TENM1: variants seen among roughly 807,000 people sequenced by gnomAD.
The protein encoded by TENM1 is teneurin transmembrane protein 1, also known as teneurin-1.
In TENM1, 35 loss-of-function variants were observed where a neutral mutation model predicts 174.8. That is an observed-to-expected ratio of 0.20 (90% CI 0.15 to 0.27). TENM1 has a LOEUF of 0.27. Among genes scored for constraint, TENM1 ranks in the 10% least tolerant of loss-of-function variants. The probability of loss-of-function intolerance (pLI) is 1.00; values close to 1 mark genes in which losing one functional copy is unlikely to be tolerated. For synonymous variants in TENM1, 781 were observed against 798.7 expected, an observed-to-expected ratio of 0.98 and a Z score of 0.37; for missense variants, 1,633 against 2,130.1, an observed-to-expected ratio of 0.77 and a Z score of 4.59.
the TENM1 span, among the ~76,000 whole-genome samples, chrX:125,055,838 A>C: frequency 8.9e-6 from 1 of 111,809 alleles, no homozygotes; most frequent in African/African-American, 3.3e-5. Context: ...TGTTGAAGGA[A>C]ATATGCAGGT....
chrX:124,642,004 A>C lies in TENM1; in HGVS notation c.1877-13T>G, dbSNP rs1303086963. ...TCTAGGCAGTCCTCTGAAGGCACAAAAAAGTGGGGGGGAGGGGTGATTAAT... is the reference window on the plus strand; with the variant it reads ...TCTAGGCAGTCCTCTGAAGGCACAACAAAGTGGGGGGGAGGGGTGATTAAT... On this transcript the variant is annotated splice_polypyrimidine_tract_variant and intron_variant, in intron 10 of 31. Coordinates refer to ENST00000422452, the Ensembl canonical transcript of TENM1. 8.4e-7 allele frequency: 1 copy of C among 1,186,804 alleles called. No individual in the cohort carries two copies. Among genetic ancestry groups the C allele is most frequent in the Non-Finnish European group, 1.1e-6 (1 of 872,854 alleles).
At chrX:124,839,508 G>A (rs1041105454) in intron 3 of TENM1, among the ~76,000 whole-genome samples, 5 of 111,608 alleles carry the variant, frequency 4.5e-5, no homozygotes, top group African/African-American at 1.6e-4. Flanking sequence ...GTTTCATACA[G>A]AAAAAGTGTA....
intron 11 of TENM1, among the ~76,000 whole-genome samples, chrX:124,579,388 T>C (rs1467510470): frequency 0.034 from 1 of 29 alleles, no homozygotes; most frequent in East Asian, 0.25. Flanking sequence ...CTTCTTTTCA[T>C]GCTTTGGGGC....
At chrX:124,927,472 A>C (rs1318181372) in intron 1 of TENM1, among the ~76,000 whole-genome samples, 1 of 111,762 alleles carries the variant, frequency 8.9e-6, no homozygotes, top group Non-Finnish European at 1.9e-5. Flanking sequence ...AAAATAAACA[A>C]ACCAAGGACC....
At position 124,752,849 on chromosome X, in the gene TENM1, T is replaced by A. The variant is rs757163237; in HGVS notation, c.536-15652A>T. Among the ~76,000 whole-genome samples the A allele has an allele frequency of 8.0e-3, 886 of 110,493 alleles. 8 individuals carry two copies. Among genetic ancestry groups the A allele is most frequent in the African/African-American group, 0.027 (835 of 30,397 alleles). On this transcript the variant is annotated intron_variant, in intron 3 of 31. Transcript: ENST00000422452. ...AGGGCTCTGTTCTGTTCCATTGGTC[T>A]ATATCTCTGTTTTGGTACCAGTACC... is the stretch of plus-strand genomic sequence containing the variant.
intron 11 of TENM1, among the ~76,000 whole-genome samples, chrX:124,626,916 G>A (rs1193299845): frequency 1.8e-5 from 2 of 112,264 alleles, no homozygotes; most frequent in African/African-American, 6.5e-5. Context: ...CTAGCCTGGT[G>A]GCAAACATTA....
At chrX:124,534,181 G>A (rs2048162989) in intron 15 of TENM1, among the ~76,000 whole-genome samples, 2 of 112,081 alleles carry the variant, frequency 1.8e-5, no homozygotes, top group Admixed American at 1.9e-4. Flanking sequence ...CTAGGTGTTT[G>A]GAGCTTGGTC....
chrX:125,084,188 T>C, the TENM1 span, among the ~76,000 whole-genome samples: 1 of 110,045 alleles, frequency 9.1e-6, no homozygotes, highest in Non-Finnish European at 1.9e-5. Flanking sequence ...TGCACAGGAT[T>C]CCTTCATATT....
the TENM1 span, among the ~76,000 whole-genome samples, chrX:125,177,899 G>A: frequency 1.8e-5 from 2 of 111,947 alleles, no homozygotes; most frequent in East Asian, 5.6e-4. Flanking sequence ...TTTTAGTTTT[G>A]TAGTTGTTTT....
chrX:125,084,150 C>T, the TENM1 span, among the ~76,000 whole-genome samples: 4 of 110,611 alleles, frequency 3.6e-5, no homozygotes, highest in Non-Finnish European at 7.6e-5. Context: ...TTTCCCCATA[C>T]TTATATCCTC....
intron 11 of TENM1, among the ~76,000 whole-genome samples, chrX:124,580,035 A>G (rs1028379770): frequency 3.6e-5 from 4 of 111,439 alleles, no homozygotes; most frequent in African/African-American, 9.8e-5. Flanking sequence ...CTAAGATTCT[A>G]TTATTGGAGC....
At chrX:124,851,559 C>T (rs1192521245) in intron 3 of TENM1, among the ~76,000 whole-genome samples, 1 of 110,826 alleles carries the variant, frequency 9.0e-6, no homozygotes, top group Non-Finnish European at 1.9e-5. Context: ...CACTATTCTA[C>T]TTGAGCTATC....
At position 124,585,312 on chromosome X, in the gene TENM1, A is replaced by G. The variant is rs2049469164; in HGVS notation, c.2078-19752T>C. Among the ~76,000 whole-genome samples, 3 of 111,673 alleles carry G rather than the reference A, an allele frequency of 2.7e-5. No homozygotes were observed. In the South Asian group the frequency reaches 1.1e-3, roughly 42 times the overall value. ...TAAAGCTCTCCTCAGCAAATGTAAA[A>G]GATCAGAAATTATAACAAACTGTCT... On this transcript the variant is annotated intron_variant, in intron 11 of 31. Coordinates refer to ENST00000422452, the Ensembl canonical transcript of TENM1.
intron 3 of TENM1, among the ~76,000 whole-genome samples, chrX:124,814,207 C>T (rs1305785923): frequency 1.8e-5 from 2 of 111,181 alleles, no homozygotes; most frequent in African/African-American, 6.5e-5. Context: ...CCAGTTTCAT[C>T]TGCACAATGA....
chrX:124,524,270 A>C (rs1259702141), intron 16 of TENM1, among the ~76,000 whole-genome samples: 2 of 112,124 alleles, frequency 1.8e-5, no homozygotes, highest in Non-Finnish European at 3.8e-5. Context: ...CTTATGCTAA[A>C]GATAACAGAA....
the TENM1 span, among the ~76,000 whole-genome samples, chrX:124,981,047 T>C: frequency 8.9e-6 from 1 of 112,064 alleles, no homozygotes; most frequent in African/African-American, 3.2e-5. Flanking sequence ...ATATTAATAG[T>C]ACCTTGTACT....
At chrX:124,781,340 C>T (rs1351798700) in intron 3 of TENM1, among the ~76,000 whole-genome samples, 1 of 111,493 alleles carries the variant, frequency 9.0e-6, no homozygotes, top group Non-Finnish European at 1.9e-5. Flanking sequence ...ACCAACCCCT[C>T]TAGCACTCGG....
chrX:125,002,524 A>G, the TENM1 span, among the ~76,000 whole-genome samples: 1 of 110,726 alleles, frequency 9.0e-6, no homozygotes, highest in African/African-American at 3.3e-5. Flanking sequence ...GCCAAAACTC[A>G]AAAGTGTCTT....
At chrX:124,660,923 T>G (rs924563462) in intron 6 of TENM1, among the ~76,000 whole-genome samples, 2 of 112,256 alleles carry the variant, frequency 1.8e-5, no homozygotes, top group African/African-American at 6.5e-5. Flanking sequence ...TAATAAAAAC[T>G]TACACATGAA....
Sources: gnomAD v4.1 joint callset for allele counts (sites outside exome capture counted in the v4.1 genomes callset) on GRCh38, gnomAD v4.1.1 for gene constraint, MANE v1.5 for transcripts, NCBI Gene and HGNC (gene_info 2026-07-23, HGNC 2026-07-21) for gene names.